Variants in EPB41L4A observed in about 807,000 individuals in gnomAD.
The protein encoded by EPB41L4A is band 4.1-like protein 4A.
EPB41L4A carries 100 observed loss-of-function variants against 108.6 expected under a neutral mutation model. The ratio of observed to expected loss-of-function variants is 0.92; its 90% CI spans 0.78 to 1.09. The LOEUF (loss-of-function observed/expected upper bound fraction) is 1.09. Ranked by LOEUF, EPB41L4A falls within the 50% of genes least tolerant of loss-of-function variation. The pLI, the probability that EPB41L4A is intolerant of heterozygous loss-of-function variation, is 0.00. For missense variants in EPB41L4A, 1,030 were observed against 842.7 expected, an observed-to-expected ratio of 1.22 and a Z score of -2.75; for synonymous variants, 319 against 289.0, an observed-to-expected ratio of 1.10 and a Z score of -1.05.
chr5:112,336,423 T>C (rs1756926374), intron 1 of EPB41L4A, among the ~76,000 whole-genome samples: 1 of 152,204 alleles, frequency 6.6e-6, no homozygotes, highest in Non-Finnish European at 1.5e-5. Flanking sequence ...GGCATTATTC[T>C]TTCCTGTGTT....
chr5:112,181,860 G>A (rs1761174533), intron 18 of EPB41L4A, among the ~76,000 whole-genome samples: 1 of 152,122 alleles, frequency 6.6e-6, no homozygotes, highest in Admixed American at 6.5e-5. Flanking sequence ...ATCACTGGAG[G>A]TCAGGAGTTT....
At chr5:112,311,759 T>C (rs554609321) in intron 1 of EPB41L4A, among the ~76,000 whole-genome samples, 3 of 152,310 alleles carry the variant, frequency 2.0e-5, no homozygotes, top group South Asian at 2.1e-4. Context: ...CAGGTTACTG[T>C]AGAAAGTGCA....
At chr5:112,414,657 C>G (rs1024047062) in intron 1 of EPB41L4A, among the ~76,000 whole-genome samples, 2 of 152,134 alleles carry the variant, frequency 1.3e-5, no homozygotes, top group African/African-American at 4.8e-5. Context: ...GGAGGGACAG[C>G]CAAAAGCTGT....
downstream of EPB41L4A, chr5:112,161,654 C>T (rs770440072): frequency 1.5e-5 from 8 of 517,486 alleles, no homozygotes; most frequent in Non-Finnish European, 3.1e-5. Flanking sequence ...CTTGACCCTG[C>T]TAGCCTTAAG....
chr5:112,280,363 C>T (rs1380243974), intron 2 of EPB41L4A, 40 bp from the exon 3 acceptor site: 8 of 1,572,388 alleles, frequency 5.1e-6, no homozygotes, highest in Non-Finnish European at 6.1e-6. Flanking sequence ...AAATTAGTTG[C>T]TTTTCATTAG....
chr5:112,191,767 G>A (rs1264423966), intron 17 of EPB41L4A, among the ~76,000 whole-genome samples: 1 of 151,984 alleles, frequency 6.6e-6, no homozygotes, highest in Non-Finnish European at 1.5e-5. Context: ...AAGTGACTCT[G>A]TCCGGAGTTC....
intron 1 of EPB41L4A, among the ~76,000 whole-genome samples, chr5:112,410,010 G>A (rs1762318457): frequency 6.6e-6 from 1 of 152,168 alleles, no homozygotes; most frequent in Admixed American, 6.5e-5. Flanking sequence ...GCAATGAAAT[G>A]CAGTCTGGAT....
intron 12 of EPB41L4A, among the ~76,000 whole-genome samples, chr5:112,148,091 CTATAA>C (rs879408775): frequency 3.8e-4 from 48 of 124,708 alleles, no homozygotes; most frequent in Non-Finnish European, 6.0e-4. Context: ...AATAGTATTA[CTATAA>C]TATAATAGTA....
intron 18 of EPB41L4A, among the ~76,000 whole-genome samples, chr5:112,179,084 G>T (rs1761018651): frequency 6.6e-6 from 1 of 151,904 alleles, no homozygotes; most frequent in Admixed American, 6.5e-5. Context: ...GCAAATTTTT[G>T]CTGAAAGATT....
At chr5:112,238,263 C>T (rs1749501813) in intron 11 of EPB41L4A, among the ~76,000 whole-genome samples, 1 of 152,138 alleles carries the variant, frequency 6.6e-6, no homozygotes, top group Non-Finnish European at 1.5e-5. Flanking sequence ...TAAATGTAAA[C>T]AATACTTCCT....
chr5:112,389,785 T>C (rs1760808019), intron 1 of EPB41L4A, among the ~76,000 whole-genome samples: 1 of 152,206 alleles, frequency 6.6e-6, no homozygotes, highest in Non-Finnish European at 1.5e-5. Context: ...AAATTTGTTA[T>C]AATTTCATCT....
At position 112,207,296 on chromosome 5, in the gene EPB41L4A, A is replaced by C. The variant is rs140670676; in HGVS notation, c.1179-1792T>G. ...TCCACTCAAGATAGATTAAGAACTT[A>C]AATGTAAGACCTCAAACTATGAAAA... is the stretch of plus-strand genomic sequence containing the variant. On this transcript the variant is annotated intron_variant, in intron 13 of 22. Coordinates refer to ENST00000261486, the MANE Select transcript of EPB41L4A (RefSeq NM_022140.5). Among the ~76,000 whole-genome samples the C allele has an allele frequency of 5.3e-5, 8 of 152,364 alleles. No homozygotes were observed. In the East Asian group the frequency reaches 1.5e-3, roughly 29 times the overall value.
intron 4 of EPB41L4A, among the ~76,000 whole-genome samples, chr5:112,271,904 T>C (rs989346796): frequency 1.3e-5 from 2 of 152,198 alleles, no homozygotes; most frequent in African/African-American, 4.8e-5. Context: ...GAGTTCAGAA[T>C]ATACGACCTG....
At chr5:112,417,375 A>C (rs1443713305) in intron 1 of EPB41L4A, among the ~76,000 whole-genome samples, 1 of 152,218 alleles carries the variant, frequency 6.6e-6, no homozygotes, top group Non-Finnish European at 1.5e-5. Flanking sequence ...GATAATTTAG[A>C]CTTTGCACTT....
intron 1 of EPB41L4A, among the ~76,000 whole-genome samples, chr5:112,410,668 C>T (rs1762353812): frequency 1.3e-5 from 2 of 152,046 alleles, no homozygotes; most frequent in Admixed American, 6.6e-5. Context: ...GGGAAACTGA[C>T]CCCACTCCCA....
chr5:112,311,060 G>A (rs1398154950), intron 1 of EPB41L4A, among the ~76,000 whole-genome samples: 1 of 152,114 alleles, frequency 6.6e-6, no homozygotes, highest in Non-Finnish European at 1.5e-5. Context: ...TACCCAGGCT[G>A]GAATGCAGTG....
intron 4 of EPB41L4A, among the ~76,000 whole-genome samples, chr5:112,274,715 G>C (rs994196294): frequency 6.6e-6 from 1 of 152,288 alleles, no homozygotes; most frequent in African/African-American, 2.4e-5. Flanking sequence ...TAACTGGTCT[G>C]TTCCTTATGA....
chr5:112,200,914 T>C lies in EPB41L4A; in HGVS notation c.1376+3461A>G, dbSNP rs79658212. On this transcript the variant is annotated intron_variant, in intron 15 of 22. Coordinates refer to ENST00000261486, the MANE Select transcript of EPB41L4A (RefSeq NM_022140.5). The stretch of plus-strand genomic sequence containing the variant: ...CTCATGATAAACAAAATAGGAAATT[T>C]TGACATCTATTGCAAAGTGTATTAT... Among the ~76,000 whole-genome samples, 572 of 152,298 alleles carry C rather than the reference T, an allele frequency of 3.8e-3. 3 individuals are homozygous for C. Among genetic ancestry groups the C allele is most frequent in the African/African-American group, 0.013 (548 of 41,564 alleles).
At chr5:112,176,632 C>A (rs1034122704) in intron 18 of EPB41L4A, among the ~76,000 whole-genome samples, 2 of 152,108 alleles carry the variant, frequency 1.3e-5, no homozygotes, top group African/African-American at 2.4e-5. Context: ...TTCACCACCA[C>A]CATCTTTTCT....
Sources: gnomAD v4.1 joint callset for allele counts (sites outside exome capture counted in the v4.1 genomes callset) on GRCh38, gnomAD v4.1.1 for gene constraint, MANE v1.5 for transcripts, NCBI Gene and HGNC (gene_info 2026-07-23, HGNC 2026-07-21) for gene names.